KDM6B: variants seen among roughly 807,000 people sequenced by gnomAD.
KDM6B encodes the protein lysine demethylase 6B.
Under a neutral mutation model 150.4 loss-of-function variants are expected in KDM6B, and 22 were observed. The observed-to-expected ratio is 0.15, with a 90% CI of 0.10 to 0.21. The LOEUF is 0.21. KDM6B is among the 10% of genes least tolerant of loss of function. The pLI is 1.00. For synonymous variants in KDM6B, 1,148 were observed against 921.1 expected (o/e 1.25, Z -4.46); for missense variants, 1,984 against 2,234.3 (o/e 0.89, Z 2.26).
Position 7,848,986 on chromosome 17 carries a change from C to A in KDM6B, c.2698C>A (p.Pro900Thr). ...CCCCATGACCCCCACCCAACCGCCC[C>A]CACCCCTATCTCTGCCCCCTGCTCG... ...PGPMTPTQPPPPLSLPPARSE... is the reference protein window; with the variant it reads ...PGPMTPTQPPTPLSLPPARSE... The change falls in exon 12 of 24, where the codon CCA (proline) becomes ACA (threonine). Residue 900 changes from proline to threonine, a missense_variant. Pro to Thr is a conservative substitution (Grantham distance 38). Around this residue, in one of 13 missense-constraint regions of KDM6B, gnomAD observed 1,379 missense variants for 1,275.6 expected, o/e 1.08. Transcript: ENST00000448097. 1 of 1,580,618 alleles carries A rather than the reference C, an allele frequency of 6.3e-7. No individual in the cohort carries two copies. Among genetic ancestry groups the A allele is most frequent in the East Asian group, 2.3e-5 (1 of 44,088 alleles).
chr17:7,845,807 C>T (rs2078520775), intron 5 of KDM6B, 65 bp from the exon 6 acceptor site: 5 of 1,585,530 alleles, frequency 3.2e-6, no homozygotes, highest in Non-Finnish European at 4.3e-6. Context: ...CATCAGCCCC[C>T]TCCTGCCTAG....
chr17:7,841,086 C>G (rs2078407449), intron 2 of KDM6B, among the ~76,000 whole-genome samples: 1 of 152,244 alleles, frequency 6.6e-6, no homozygotes, highest in South Asian at 2.1e-4. Context: ...CCTAGCCTCT[C>G]TGGGCCTCAA....
At position 7,852,515 on chromosome 17, in the gene KDM6B, C is replaced by T. The variant is rs1484364453; in HGVS notation, c.4489C>T (p.Leu1497=). Residue 1497 remains leucine (L), a synonymous_variant, in exon 21 of 24, where the codon CTG becomes TTG. Transcript: ENST00000448097. ...PLTAYQYQLA[L]ERYEWNEVKN... The stretch of plus-strand genomic sequence containing the variant: ...CGCAGCCTATCAGTACCAGCTGGCC[C>T]TGGAACGATACGAGTGGAATGAGGT... 9.3e-6 allele frequency: 15 copies of T among 1,613,842 alleles called. No homozygotes were observed. The highest frequency in any genetic ancestry group is 1.7e-5 in the Admixed American group (1 of 59,974).
In KDM6B at chr17:7,853,117, C is replaced by T. The variant is rs1464447011; in HGVS notation, c.4728C>T (p.Asn1576=). 6 of 1,614,052 alleles carry T rather than the reference C, an allele frequency of 3.7e-6. No individual in the cohort carries two copies. In the Admixed American group the frequency reaches 1.0e-4, roughly 27 times the overall value. The change falls in exon 22 of 24, where the codon AAC becomes AAT. Residue 1576 remains asparagine (N), a synonymous_variant. Transcript: ENST00000448097. ...AGGACGAGCCAGCCTACTACTGCAA[C>T]GAGTGCGATGTGAGTGGGCCGGCTC... is the stretch of plus-strand genomic sequence containing the variant. ...RVKDEPAYYC[N]ECDVEVFNIL...
chr17:7,848,610 C>T lies in KDM6B; in HGVS notation c.2322C>T (p.Ala774=). ...AAGAGGAGAAGAAGCCACCACCAGC[C>T]CTACCACCACCACCGCCTCTAGCCA... ...TQEEEKKPPP[A]LPPPPPLAKF... Residue 774 remains alanine (A), a synonymous_variant, in exon 12 of 24, where the codon GCC becomes GCT. Transcript: ENST00000448097. The T allele has an allele frequency of 6.3e-7, 1 of 1,595,700 alleles. No individual in the cohort carries two copies. Among genetic ancestry groups the T allele is most frequent in the Non-Finnish European group, 8.5e-7 (1 of 1,171,704 alleles).
intron 2 of KDM6B, among the ~76,000 whole-genome samples, chr17:7,841,256 C>T (rs1478207998): frequency 6.6e-6 from 1 of 152,314 alleles, no homozygotes; most frequent in East Asian, 1.9e-4. Flanking sequence ...CCACAGGGAG[C>T]TCTGAGGATA....
chr17:7,851,445 C>G (rs770714585), intron 16 of KDM6B, 33 bp from the exon 17 acceptor site: 23 of 1,614,082 alleles, frequency 1.4e-5, no homozygotes, highest in Non-Finnish European at 1.9e-5. Context: ...CCTCCCTCTG[C>G]TCTCCACCAA....
In KDM6B at chr17:7,851,970, C is replaced by T. The variant is rs141021205; in HGVS notation, c.4185C>T (p.Asn1395=). ...CTGCAGGCCACCAGGAGAATAACAA[C>T]TTCTGCTCCGTCAACATCAACATTG... ...SRTPGHQENN[N]FCSVNINIGP... The change falls in exon 19 of 24, where the codon AAC becomes AAT. Residue 1395 remains asparagine (N), a synonymous_variant. Transcript: ENST00000448097. The T allele has an allele frequency of 1.4e-5, 22 of 1,613,860 alleles. No homozygotes were observed. Among genetic ancestry groups the T allele is most frequent in the South Asian group, 6.6e-5 (6 of 91,092 alleles).
chr17:7,845,085 A>T (rs2078504478), intron 3 of KDM6B, 65 bp downstream of exon 3: 3 of 239,134 alleles, frequency 1.3e-5, no homozygotes, highest in Non-Finnish European at 1.7e-5. Context: ...CAGCGCAGCC[A>T]CCCCGTCCCT....
In KDM6B at chr17:7,846,210, T is replaced by A. The variant is rs768875691; in HGVS notation, c.369T>A (p.Ser123Arg). 6.2e-7 allele frequency: 1 copy of A among 1,614,076 alleles called. No homozygotes were observed. Among genetic ancestry groups the A allele is most frequent in the Admixed American group, 1.7e-5 (1 of 60,020 alleles). The change falls in exon 7 of 24, where the codon AGT becomes AGA. Residue 123 changes from serine (S) to arginine (R), a missense_variant. Coordinates refer to ENST00000448097, the MANE Select transcript of KDM6B (RefSeq NM_001348716.2). ...AACTGTACGAGTCAGAGCACGATAG[T>A]GAGGAGGCCACACGCTGCTACCACA... The part of the protein sequence containing the change: ...LGQLYESEHD[S>R]EEATRCYHSA...
At position 7,852,693 on chromosome 17, in the gene KDM6B, C is replaced by T. The variant is rs115966242; in HGVS notation, c.4610+57C>T. 1,374 of 1,607,202 alleles carry T rather than the reference C, an allele frequency of 8.5e-4. 9 individuals carry two copies. In the African/African-American group the frequency reaches 0.017, roughly 19 times the overall value. ...CCACTGACTGGTCCCTTTTCTTGTTCTTCCTGTCTGACTCCACCCCATTTT... is the reference window on the plus strand; with the variant it reads ...CCACTGACTGGTCCCTTTTCTTGTTTTTCCTGTCTGACTCCACCCCATTTT... On this transcript the variant is annotated intron_variant, in intron 21 of 23. Coordinates refer to ENST00000448097, the MANE Select transcript of KDM6B (RefSeq NM_001348716.2).
Position 7,846,670 on chromosome 17 carries a change from T to G in KDM6B, c.641T>G (p.Leu214Arg), listed in dbSNP as rs1391631621. 2 of 1,614,050 alleles carry G rather than the reference T, an allele frequency of 1.2e-6. No individual in the cohort carries two copies. Among genetic ancestry groups the G allele is most frequent in the East Asian group, 4.5e-5 (2 of 44,880 alleles). Reference sequence around the variant, plus strand: ...GTGCAGCCTGTGCCTCCTGCAGCACTCTCAGGCCCCTCAGGGGAGGAGGGC... The same window carrying G: ...GTGCAGCCTGTGCCTCCTGCAGCACGCTCAGGCCCCTCAGGGGAGGAGGGC... ...PVVQPVPPAA[L>R]SGPSGEEGLS... Residue 214 changes from leucine (L) to arginine (R), a missense_variant, in exon 9 of 24, where the codon CTC becomes CGC. Leu to Arg is a moderately radical substitution (Grantham distance 102). Transcript: ENST00000448097.
At chr17:7,835,667 GA>G (rs1356898678) in intron 1 of KDM6B, among the ~76,000 whole-genome samples, 1 of 152,116 alleles carries the variant, frequency 6.6e-6, no homozygotes, top group Non-Finnish European at 1.5e-5. Context: ...ACAGGAAAGG[GA>G]GAGGGGAGGG....
intron 14 of KDM6B, among the ~76,000 whole-genome samples, 154 bp downstream of exon 14, chr17:7,850,331 G>C (rs148550953): frequency 6.0e-4 from 92 of 152,312 alleles, no homozygotes; most frequent in Middle Eastern, 3.4e-3. Context: ...TCTCCCATCT[G>C]TCTGTCTCCA....
At chr17:7,838,888 G>C (rs1169052545) in intron 1 of KDM6B, among the ~76,000 whole-genome samples, 1 of 152,020 alleles carries the variant, frequency 6.6e-6, no homozygotes, top group Non-Finnish European at 1.5e-5. Flanking sequence ...GCCTTGGTGG[G>C]TCACAAATAG....
In KDM6B at chr17:7,844,970, A is replaced by G. The variant is rs1383786487; in HGVS notation, c.-199A>G. On this transcript the variant is annotated 5_prime_UTR_variant, in exon 3 of 24. Coordinates refer to ENST00000448097, the MANE Select transcript of KDM6B (RefSeq NM_001348716.2). This position sits in a 1 kb window ranked among gnomAD's most constrained non-coding sequence, Gnocchi z 5.9. ...GAGAGAGGAAGTCCTGTGATTGGCC[A>G]GATCTCTGGAGCTTGCCGACGCGGT... is the stretch of plus-strand genomic sequence containing the variant. 5.6e-6 allele frequency: 1 copy of G among 177,430 alleles called. No homozygotes were observed. The highest frequency in any genetic ancestry group is 1.2e-5 in the Non-Finnish European group (1 of 80,440). The allele number at this position is 177,430 out of a possible 1,614,324, so 11.0% of individuals were successfully genotyped here.
At position 7,849,411 on chromosome 17, in the gene KDM6B, C is replaced by T. The variant is rs780527536; in HGVS notation, c.3123C>T (p.Ala1041=). ...AGTCCCGGCCCGATCTTGGCGGGGC[C>T]TCCAAGGCCAAGCCACCCACAGCTC... The part of the protein sequence containing the change: ...REKSRPDLGG[A]SKAKPPTAPA... The change falls in exon 12 of 24, where the codon GCC becomes GCT. Residue 1041 remains alanine (A), a synonymous_variant. Transcript: ENST00000448097. 9 of 1,611,710 alleles carry T rather than the reference C, an allele frequency of 5.6e-6. No individual in the cohort carries two copies. In the African/African-American group the frequency reaches 1.1e-4, roughly 19 times the overall value.
intron 1 of KDM6B, among the ~76,000 whole-genome samples, chr17:7,836,903 A>G (rs963106640): frequency 1.3e-5 from 2 of 152,116 alleles, no homozygotes; most frequent in Admixed American, 6.5e-5. Flanking sequence ...TTGCCAGGCA[A>G]TGAGGCTTCC....
chr17:7,849,384 G>A lies in KDM6B; in HGVS notation c.3096G>A (p.Glu1032=), dbSNP rs2078643334. The A allele has an allele frequency of 6.2e-7, 1 of 1,609,762 alleles. No individual in the cohort carries two copies. Among genetic ancestry groups the A allele is most frequent in the Non-Finnish European group, 8.5e-7 (1 of 1,178,824 alleles). ...AGAGCGAGGAGATCCAGGGTCGTGA[G>A]AAGTCCCGGCCCGATCTTGGCGGGG... ...DLQSEEIQGR[E]KSRPDLGGAS... Residue 1032 remains glutamate, a synonymous_variant, in exon 12 of 24, where the codon GAG becomes GAA. Transcript: ENST00000448097.
Sources: allele counts gnomAD v4.1 joint callset (sites outside exome capture counted in the v4.1 genomes callset), GRCh38; gene constraint gnomAD v4.1.1; regional missense constraint gnomAD v4.1.1; non-coding constraint Gnocchi (gnomAD v3.1); transcripts MANE v1.5; gene names NCBI Gene and HGNC (gene_info 2026-07-23, HGNC 2026-07-21).